RALGAPA2: variants seen among roughly 807,000 people sequenced by gnomAD.
RALGAPA2 encodes the protein Ral GTPase activating protein catalytic subunit alpha 2, also known as ral GTPase-activating protein subunit alpha-2.
RALGAPA2 carries 139 observed loss-of-function variants against 230.4 expected under a neutral mutation model. The ratio of observed to expected loss-of-function variants is 0.60; its 90% CI spans 0.53 to 0.69. The LOEUF (loss-of-function observed/expected upper bound fraction) is 0.69. Ranked by LOEUF, RALGAPA2 falls within the 30% of genes least tolerant of loss-of-function variation. RALGAPA2 has a pLI of 0.00. For missense variants in RALGAPA2, 2,163 were observed against 2,276.0 expected, an observed-to-expected ratio of 0.95 and a Z score of 1.01; for synonymous variants, 847 against 837.8, an observed-to-expected ratio of 1.01 and a Z score of -0.19.
intron 36 of RALGAPA2, among the ~76,000 whole-genome samples, chr20:20,475,430 T>C (rs1215028761): frequency 6.6e-6 from 1 of 152,186 alleles, no homozygotes; most frequent in Non-Finnish European, 1.5e-5. Flanking sequence ...CAGTGCAATT[T>C]ATTTTTGCAA....
chr20:20,427,591 C>T (rs1259455877), intron 37 of RALGAPA2, among the ~76,000 whole-genome samples: 1 of 151,948 alleles, frequency 6.6e-6, no homozygotes, highest in Admixed American at 6.6e-5. Context: ...CACTGGGTGC[C>T]TTGTGTGTCC....
chr20:20,435,367 T>A (rs1812734418), intron 37 of RALGAPA2, among the ~76,000 whole-genome samples: 1 of 152,252 alleles, frequency 6.6e-6, no homozygotes, highest in Non-Finnish European at 1.5e-5. Context: ...GCGCGTACTC[T>A]GCTAGATGCT....
At chr20:20,510,117 C>T (rs2062656975) in intron 33 of RALGAPA2, among the ~76,000 whole-genome samples, 1 of 152,150 alleles carries the variant, frequency 6.6e-6, no homozygotes. Flanking sequence ...CACTGAAACA[C>T]ACACAATGGT....
At chr20:20,657,812 A>G (rs2067641179) in intron 3 of RALGAPA2, among the ~76,000 whole-genome samples, 1 of 152,210 alleles carries the variant, frequency 6.6e-6, no homozygotes, top group Non-Finnish European at 1.5e-5. Context: ...GGAAATGCTG[A>G]GAAAAGTAAA....
At chr20:20,625,281 G>GTAGC (rs1373383265) in intron 10 of RALGAPA2, among the ~76,000 whole-genome samples, 1 of 152,114 alleles carries the variant, frequency 6.6e-6, no homozygotes, top group Non-Finnish European at 1.5e-5. Flanking sequence ...TCTCATCTAT[G>GTAGC]TAGCTAGCCA....
chr20:20,535,146 G>T (rs73124405), intron 26 of RALGAPA2, among the ~76,000 whole-genome samples: 8,021 of 152,274 alleles, frequency 0.053, 289 homozygotes, highest in Middle Eastern at 0.22. Context: ...GTAAGAGGCT[G>T]AGCTGGGCTT....
At chr20:20,679,721 C>A (rs1355289750) in intron 2 of RALGAPA2, among the ~76,000 whole-genome samples, 1 of 152,194 alleles carries the variant, frequency 6.6e-6, no homozygotes, top group Non-Finnish European at 1.5e-5. Context: ...ATCCTGCTGT[C>A]CTTCAAGGTC....
chr20:20,515,944 C>T (rs544705533), intron 31 of RALGAPA2, among the ~76,000 whole-genome samples: 42 of 152,278 alleles, frequency 2.8e-4, no homozygotes, highest in Non-Finnish European at 5.3e-4. Flanking sequence ...TTATGGCCTG[C>T]GGCAGATCTG....
At chr20:20,516,196 G>C (rs990961558) in intron 31 of RALGAPA2, among the ~76,000 whole-genome samples, 3 of 152,214 alleles carry the variant, frequency 2.0e-5, no homozygotes, top group African/African-American at 7.2e-5. Flanking sequence ...AGGAGAGTCA[G>C]AGCACAGACC....
In RALGAPA2 at chr20:20,536,754, C is replaced by T. The variant is rs749112067; in HGVS notation, c.3316G>A (p.Gly1106Ser). ...APRSEAVTVLGSLVCFPNTYQ... is the reference protein window; with the variant it reads ...APRSEAVTVLSSLVCFPNTYQ... ...GTATTTGGAAAGCAGACCAGAGAGC[C>T]GAGGACAGTGACAGCCTCTGAACGA... Residue 1106 changes from glycine (G) to serine (S), a missense_variant, in exon 25 of 40, where the codon GGC becomes AGC. Transcript: ENST00000202677. The T allele has an allele frequency of 8.1e-6, 13 of 1,612,444 alleles. No individual in the cohort carries two copies. The highest frequency in any genetic ancestry group is 2.2e-5 in the South Asian group (2 of 91,018).
chr20:20,551,209 G>T (rs1285253041), intron 23 of RALGAPA2, among the ~76,000 whole-genome samples: 2 of 152,148 alleles, frequency 1.3e-5, no homozygotes, highest in Non-Finnish European at 2.9e-5. Context: ...TTTATAGCAA[G>T]AATTAGTTTC....
chr20:20,433,108 C>A (rs1341546334), intron 37 of RALGAPA2, among the ~76,000 whole-genome samples: 3 of 152,206 alleles, frequency 2.0e-5, no homozygotes, highest in Non-Finnish European at 2.9e-5. Flanking sequence ...ACACTTCTAT[C>A]CATTTGTCTC....
intron 1 of RALGAPA2, among the ~76,000 whole-genome samples, chr20:20,701,472 C>T (rs887877745): frequency 6.6e-6 from 1 of 152,216 alleles, no homozygotes; most frequent in Non-Finnish European, 1.5e-5. Context: ...GGCGCGGTGG[C>T]TCACGCCTGT....
intron 31 of RALGAPA2, among the ~76,000 whole-genome samples, chr20:20,515,402 C>A (rs1160946704): frequency 6.6e-6 from 1 of 152,186 alleles, no homozygotes; most frequent in Non-Finnish European, 1.5e-5. Context: ...AGGAGCAATA[C>A]AGGAACTCAA....
At chr20:20,648,964 AG>A (rs1398175913) in intron 4 of RALGAPA2, among the ~76,000 whole-genome samples, 4 of 152,178 alleles carry the variant, frequency 2.6e-5, no homozygotes, top group Non-Finnish European at 5.9e-5. Context: ...CTGAGGTTTC[AG>A]GGCTATTGTT....
At position 20,709,528 on chromosome 20, in the gene RALGAPA2, AATAC is replaced by A. The variant is rs376683221; in HGVS notation, c.106+2843_106+2846del. ...GGAATCTTTGCTGGAGCAATATGGTAATACACAGGGTTTTTTGGTTTTTGTTTTG... is the reference window on the plus strand; with the variant it reads ...GGAATCTTTGCTGGAGCAATATGGTAACAGGGTTTTTTGGTTTTTGTTTTG... On this transcript the variant is annotated intron_variant, in intron 1 of 39. Transcript: ENST00000202677. Among the ~76,000 whole-genome samples, 21 of 152,300 alleles carry A rather than the reference AATAC, an allele frequency of 1.4e-4. 1 individual carries two copies. In the South Asian group the frequency reaches 4.2e-3, roughly 30 times the overall value.
intron 16 of RALGAPA2, 21 bp from the exon 17 acceptor site, chr20:20,591,335 T>C (rs757037885): frequency 1.2e-6 from 2 of 1,605,320 alleles, no homozygotes; most frequent in East Asian, 2.2e-5. Context: ...TAACAAAACA[T>C]GCAAAGTTAC....
At chr20:20,533,430 G>C (rs935679428) in intron 26 of RALGAPA2, among the ~76,000 whole-genome samples, 1 of 152,052 alleles carries the variant, frequency 6.6e-6, no homozygotes, top group Admixed American at 6.6e-5. Flanking sequence ...TAAAATATTT[G>C]ATTCACTATA....
At chr20:20,425,296 C>T (rs1178991346) in intron 37 of RALGAPA2, among the ~76,000 whole-genome samples, 10 of 152,120 alleles carry the variant, frequency 6.6e-5, no homozygotes, top group Non-Finnish European at 2.9e-5. Flanking sequence ...TTTTGTGGTC[C>T]AAAGTATTTG....
Sources: gnomAD v4.1 joint callset for allele counts (sites outside exome capture counted in the v4.1 genomes callset) on GRCh38, gnomAD v4.1.1 for gene constraint, MANE v1.5 for transcripts, NCBI Gene and HGNC (gene_info 2026-07-23, HGNC 2026-07-21) for gene names.